INPP5A: variants seen among roughly 807,000 people sequenced by gnomAD.
INPP5A encodes the protein 43 kDa inositol polyphosphate 5-phophatase.
Under a neutral mutation model 65.2 loss-of-function variants are expected in INPP5A, and 14 were observed. That is an observed-to-expected ratio of 0.21 (90% CI 0.14 to 0.34). The LOEUF (loss-of-function observed/expected upper bound fraction) is 0.34. INPP5A is among the 10% of genes least tolerant of loss of function. The pLI is 1.00. For missense variants in INPP5A, 431 were observed against 545.6 expected (o/e 0.79, Z 2.09); for synonymous variants, 207 against 208.3 (o/e 0.99, Z 0.05).
intron 11 of INPP5A, among the ~76,000 whole-genome samples, chr10:132,756,019 C>G (rs577532341): frequency 6.6e-6 from 1 of 152,350 alleles, no homozygotes; most frequent in Admixed American, 6.5e-5. Flanking sequence ...GCCTGGGCCC[C>G]AGGGAGGCAT....
intron 13 of INPP5A, 169 bp downstream of exon 13, chr10:132,777,951 C>A: frequency 7.0e-7 from 1 of 1,435,036 alleles, no homozygotes; most frequent in South Asian, 1.5e-5. Flanking sequence ...AGCATTGGGT[C>A]ACCTCTGAGC....
chr10:132,600,503 A>G (rs973130317), intron 1 of INPP5A, among the ~76,000 whole-genome samples: 3 of 152,334 alleles, frequency 2.0e-5, no homozygotes, highest in Admixed American at 1.3e-4. Context: ...GGAAGTTCCA[A>G]ACTTTCCCAC....
chr10:132,601,428 T>C (rs2071776302), intron 1 of INPP5A, among the ~76,000 whole-genome samples: 1 of 152,242 alleles, frequency 6.6e-6, no homozygotes. Flanking sequence ...GACTTGCAGA[T>C]ATTCTCTTCC....
intron 8 of INPP5A, 80 bp from the exon 9 acceptor site, chr10:132,726,741 G>A (rs1417323871): frequency 4.3e-6 from 4 of 932,492 alleles, no homozygotes; most frequent in African/African-American, 3.3e-5. Flanking sequence ...CGGATGGGGA[G>A]CGTGGAGGAG....
At position 132,706,682 on chromosome 10, in the gene INPP5A, T is replaced by C. The variant is rs754093802; in HGVS notation, c.475-1631T>C. On this transcript the variant is annotated intron_variant, in intron 6 of 15. Transcript: ENST00000368594. This position sits in a 1 kb window ranked among gnomAD's most constrained non-coding sequence, Gnocchi z 4.7. ...ACTTAGGGAGGGGGCAGGGAGCACT[T>C]GTGGTGGGGGCAGGCAAAGAAGGGC... Among the ~76,000 whole-genome samples the C allele has an allele frequency of 5.3e-5, 8 of 151,696 alleles. No homozygotes were observed. Among genetic ancestry groups the C allele is most frequent in the Non-Finnish European group, 7.4e-5 (5 of 67,914 alleles).
intron 9 of INPP5A, among the ~76,000 whole-genome samples, chr10:132,729,791 T>C (rs1476851322): frequency 1.3e-5 from 2 of 152,228 alleles, no homozygotes; most frequent in African/African-American, 2.4e-5. Flanking sequence ...TGCTTAACTT[T>C]AAACATCAAA....
intron 12 of INPP5A, among the ~76,000 whole-genome samples, chr10:132,774,558 C>T (rs1264358889): frequency 6.6e-6 from 1 of 152,208 alleles, no homozygotes; most frequent in East Asian, 1.9e-4. Flanking sequence ...CCCAGCCTGC[C>T]TTCTGGGGTC....
rs1254952523 is a variant in INPP5A, at chr10:132,549,316, C to G, written c.75+11145C>G. Among the ~76,000 whole-genome samples the G allele has an allele frequency of 1.3e-5, 2 of 152,210 alleles. No individual in the cohort carries two copies. The highest frequency in any genetic ancestry group is 6.5e-5 in the Admixed American group (1 of 15,290). On this transcript the variant is annotated intron_variant, in intron 1 of 15. Coordinates refer to ENST00000368594, the MANE Select transcript of INPP5A (RefSeq NM_005539.5). The surrounding 1 kb of genome is among the most constrained non-coding windows in gnomAD (Gnocchi z 4.9). ...TCAATTCTTCCCATAGTTGCTGCCC[C>G]ATTCGTGCCCCGTCGAGTGGTGTGG... is the stretch of plus-strand genomic sequence containing the variant.
At chr10:132,665,174 C>T (rs1468348170) in intron 4 of INPP5A, among the ~76,000 whole-genome samples, 1 of 152,214 alleles carries the variant, frequency 6.6e-6, no homozygotes, top group Non-Finnish European at 1.5e-5. Flanking sequence ...GCAGACACAC[C>T]TGTGTTTCCA....
chr10:132,712,867 G>A (rs745541354), intron 8 of INPP5A, among the ~76,000 whole-genome samples: 9 of 145,514 alleles, frequency 6.2e-5, no homozygotes, highest in Admixed American at 2.1e-4. Context: ...GGTACGTGTC[G>A]ATGTGTAGGC....
chr10:132,768,032 A>G (rs541076473), intron 12 of INPP5A, among the ~76,000 whole-genome samples: 4 of 134,708 alleles, frequency 3.0e-5, no homozygotes, highest in Non-Finnish European at 6.2e-5. Flanking sequence ...AGATCCGTGG[A>G]CCCTGACCCT....
chr10:132,561,103 G>T (rs1029472171), intron 1 of INPP5A, among the ~76,000 whole-genome samples: 2 of 148,972 alleles, frequency 1.3e-5, no homozygotes, highest in Non-Finnish European at 3.0e-5. Flanking sequence ...GCCCAGGCTG[G>T]AGTTCATGGA....
At chr10:132,672,558 C>T (rs1028651202) in intron 4 of INPP5A, among the ~76,000 whole-genome samples, 3 of 152,166 alleles carry the variant, frequency 2.0e-5, no homozygotes, top group Admixed American at 6.5e-5. Flanking sequence ...GTGACTTGCT[C>T]CTCCTTGCCT....
Position 132,555,660 on chromosome 10 carries a change from C to A in INPP5A, c.75+17489C>A, listed in dbSNP as rs552816323. 3.8e-4 allele frequency among the ~76,000 whole-genome samples: 58 copies of A among 152,188 alleles called. No homozygotes were observed. The highest frequency in any genetic ancestry group is 7.4e-4 in the Non-Finnish European group (50 of 68,008). Reference sequence around the variant, plus strand: ...GGGAGAGAGTTCAAGTGTATCCTAGCGTCTTGGAGAAAAATGGTCTATGAA... The same window carrying A: ...GGGAGAGAGTTCAAGTGTATCCTAGAGTCTTGGAGAAAAATGGTCTATGAA... On this transcript the variant is annotated intron_variant, in intron 1 of 15. Transcript: ENST00000368594. The surrounding 1 kb of genome is among the most constrained non-coding windows in gnomAD (Gnocchi z 4.4).
At chr10:132,757,243 G>A (rs1178776290) in intron 11 of INPP5A, among the ~76,000 whole-genome samples, 1 of 152,214 alleles carries the variant, frequency 6.6e-6, no homozygotes, top group Non-Finnish European at 1.5e-5. Context: ...AGTCTGCAGT[G>A]CACAGTTGAT....
rs1158863544 is a variant in INPP5A at position 132,609,340 on chromosome 10, T to G, written c.117+1384T>G. 2.0e-5 allele frequency among the ~76,000 whole-genome samples: 3 copies of G among 152,338 alleles called. No individual in the cohort carries two copies. In the East Asian group the frequency reaches 5.8e-4, roughly 29 times the overall value. ...GCTGCCGTGCCACCCCCATCCACGG[T>G]GCTCTCATCATCTCTGTCCTTTATG... On this transcript the variant is annotated intron_variant, in intron 2 of 15. Coordinates refer to ENST00000368594, the MANE Select transcript of INPP5A (RefSeq NM_005539.5).
chr10:132,654,592 C>T (rs1590898593), intron 4 of INPP5A, among the ~76,000 whole-genome samples: 1 of 152,236 alleles, frequency 6.6e-6, no homozygotes, highest in Non-Finnish European at 1.5e-5. Flanking sequence ...GACAATCACC[C>T]TCCTGCCCCA....
At position 132,749,619 on chromosome 10, in the gene INPP5A, G is replaced by A. The variant is rs776310280; in HGVS notation, c.828+7G>A. The stretch of plus-strand genomic sequence containing the variant: ...GTCGGACAACGACCGGAAGGTGAGC[G>A]GGGCCTGTGACTGGGCAGGTGACGC... On this transcript the variant is annotated splice_region_variant and intron_variant, in intron 10 of 15. Coordinates refer to ENST00000368594, the MANE Select transcript of INPP5A (RefSeq NM_005539.5). 5 of 1,612,402 alleles carry A rather than the reference G, an allele frequency of 3.1e-6. No individual in the cohort carries two copies. The highest frequency in any genetic ancestry group is 4.2e-6 in the Non-Finnish European group (5 of 1,179,506).
At chr10:132,604,698 C>A (rs1434918768) in intron 1 of INPP5A, among the ~76,000 whole-genome samples, 1 of 152,236 alleles carries the variant, frequency 6.6e-6, no homozygotes, top group Non-Finnish European at 1.5e-5. Flanking sequence ...GAACATGATG[C>A]AGCCTCACTG....
Sources: gnomAD v4.1 joint callset for allele counts (sites outside exome capture counted in the v4.1 genomes callset) on GRCh38, gnomAD v4.1.1 for gene constraint, Gnocchi (gnomAD v3.1) non-coding constraint, MANE v1.5 for transcripts, NCBI Gene and HGNC (gene_info 2026-07-23, HGNC 2026-07-21) for gene names.